Variants in CALN1 observed in about 807,000 individuals in gnomAD.
The protein encoded by CALN1 is calneuron 1, also known as calcium-binding protein 8.
In CALN1, 17 loss-of-function variants were observed where a neutral mutation model predicts 30.6. The observed-to-expected ratio is 0.56, with a 90% confidence interval of 0.38 to 0.83. The LOEUF is 0.83. Among genes scored for constraint, CALN1 ranks in the 40% least tolerant of loss-of-function variants. CALN1 has a pLI of 0.00. For synonymous variants in CALN1, 156 were observed against 131.4 expected, an observed-to-expected ratio of 1.19 and a Z score of -1.28; for missense variants, 291 against 354.9, an observed-to-expected ratio of 0.82 and a Z score of 1.45.
intron 5 of CALN1, among the ~76,000 whole-genome samples, chr7:71,854,380 A>AGAAAGAAAGAAAGAAG (rs1790821735): frequency 6.6e-6 from 1 of 152,030 alleles, no homozygotes; most frequent in African/African-American, 2.4e-5. Context: ...AGACAGAGAA[A>AGAAAGAAAGAAAGAAG]GAAAGAAAGA....
chr7:72,086,522 C>G (rs112923657), intron 4 of CALN1, among the ~76,000 whole-genome samples: 1 of 152,124 alleles, frequency 6.6e-6, no homozygotes, highest in Non-Finnish European at 1.5e-5. Flanking sequence ...CAACCTCTGC[C>G]TCTGGAGTTC....
At chr7:72,481,195 G>A in the CALN1 span, among the ~76,000 whole-genome samples, 427 of 152,172 alleles carry the variant, frequency 2.8e-3, 2 homozygotes, top group African/African-American at 9.5e-3. Flanking sequence ...CAAGTGATCC[G>A]CCCGCGTCGG....
the CALN1 span, among the ~76,000 whole-genome samples, chr7:72,477,287 G>C: frequency 4.7e-4 from 72 of 152,230 alleles, 2 homozygotes; most frequent in South Asian, 0.015. Flanking sequence ...CTGATGAGTA[G>C]AATTGTATTA....
chr7:72,499,821 C>CTTT, the CALN1 span, among the ~76,000 whole-genome samples: 11 of 66,854 alleles, frequency 1.6e-4, no homozygotes, highest in Admixed American at 1.7e-4. Context: ...TTCCTTCCTT[C>CTTT]CTTCCTTCTT....
chr7:72,000,862 G>A (rs1584717871), intron 5 of CALN1, among the ~76,000 whole-genome samples: 1 of 152,218 alleles, frequency 6.6e-6, no homozygotes, highest in South Asian at 2.1e-4. Context: ...TAGGTAGTCA[G>A]GCAGACATCA....
At chr7:72,404,859 AAGTC>A (rs1562952417) in intron 1 of CALN1, among the ~76,000 whole-genome samples, 1 of 152,226 alleles carries the variant, frequency 6.6e-6, no homozygotes, top group African/African-American at 2.4e-5. Context: ...TACCCACTGA[AAGTC>A]AGCCTCAATC....
At chr7:72,223,694 G>A (rs964285828) in intron 3 of CALN1, among the ~76,000 whole-genome samples, 3 of 152,086 alleles carry the variant, frequency 2.0e-5, no homozygotes, top group South Asian at 2.1e-4. Context: ...AAAGCCACCC[G>A]CACTAGCATG....
In CALN1 at chr7:72,200,169, G is replaced by A. The variant is rs895654436; in HGVS notation, c.244+78517C>T. Reference sequence around the variant, plus strand: ...AGCCAAATTAATATGAAATTGGGGGGAGTGGAGGGGAGTGGCAATGACACA... The same window carrying A: ...AGCCAAATTAATATGAAATTGGGGGAAGTGGAGGGGAGTGGCAATGACACA... On this transcript the variant is annotated intron_variant, in intron 3 of 6. Transcript: ENST00000395275. Among the ~76,000 whole-genome samples, 4 of 152,110 alleles carry A rather than the reference G, an allele frequency of 2.6e-5. No homozygotes were observed. The South Asian group carries it at 8.3e-4, about 32-fold the overall frequency.
chr7:71,799,386 TCA>T (rs1462563508), intron 6 of CALN1, among the ~76,000 whole-genome samples: 1 of 152,164 alleles, frequency 6.6e-6, no homozygotes, highest in Non-Finnish European at 1.5e-5. Context: ...CAGCTCTGTT[TCA>T]GTGTTATTTA....
chr7:71,956,180 GCAT>G (rs1161786377), intron 5 of CALN1, among the ~76,000 whole-genome samples: 4 of 152,020 alleles, frequency 2.6e-5, no homozygotes, highest in Non-Finnish European at 5.9e-5. Context: ...TAGAGACGGA[GCAT>G]CATCATGTTG....
intron 2 of CALN1, among the ~76,000 whole-genome samples, chr7:72,310,918 A>C (rs1373533053): frequency 1.3e-5 from 2 of 151,280 alleles, no homozygotes; most frequent in Admixed American, 6.6e-5. Flanking sequence ...AAAAAAAAAA[A>C]AAAAAAAAAA....
intron 5 of CALN1, among the ~76,000 whole-genome samples, chr7:71,916,708 G>C (rs1006118252): frequency 1.3e-5 from 2 of 152,104 alleles, no homozygotes; most frequent in Non-Finnish European, 2.9e-5. Context: ...ATAGCTAATG[G>C]ATGCTGGGAT....
At chr7:72,293,071 CCTTT>C (rs147147664) in intron 2 of CALN1, among the ~76,000 whole-genome samples, 2,570 of 152,178 alleles carry the variant, frequency 0.017, 67 homozygotes, top group African/African-American at 0.057. Context: ...CCCCTTCCTT[CCTTT>C]CTTTCTAACT....
intron 5 of CALN1, among the ~76,000 whole-genome samples, chr7:71,905,931 C>G (rs761696078): frequency 6.6e-6 from 1 of 152,120 alleles, no homozygotes; most frequent in Admixed American, 6.5e-5. Context: ...AAGAAGCAAG[C>G]ACCTTCTTCA....
chr7:72,321,219 T>G (rs1800856204), intron 2 of CALN1, among the ~76,000 whole-genome samples: 1 of 152,192 alleles, frequency 6.6e-6, no homozygotes, highest in African/African-American at 2.4e-5. Flanking sequence ...ATTTATTGTC[T>G]TCATCTCAAG....
At chr7:72,053,269 T>C (rs1344111428) in intron 4 of CALN1, among the ~76,000 whole-genome samples, 1 of 151,878 alleles carries the variant, frequency 6.6e-6, no homozygotes. Flanking sequence ...TCCCAAAGAG[T>C]GGAATCAGAG....
chr7:72,467,586 G>C, the CALN1 span, among the ~76,000 whole-genome samples: 2 of 152,226 alleles, frequency 1.3e-5, no homozygotes, highest in Admixed American at 1.3e-4. Flanking sequence ...CTAGCCCTCT[G>C]GAATGCTCTG....
intron 1 of CALN1, among the ~76,000 whole-genome samples, chr7:72,422,035 C>T (rs936144888): frequency 6.6e-6 from 1 of 152,138 alleles, no homozygotes; most frequent in Non-Finnish European, 1.5e-5. Context: ...TGGATCGACC[C>T]GCACTTAGGC....
chr7:71,800,336 C>T (rs1192631782), intron 6 of CALN1, among the ~76,000 whole-genome samples: 1 of 152,200 alleles, frequency 6.6e-6, no homozygotes, highest in African/African-American at 2.4e-5. Flanking sequence ...ACCTCTTCCC[C>T]AGGGGGCTTC....
Sources: gnomAD v4.1 joint callset for allele counts (sites outside exome capture counted in the v4.1 genomes callset) on GRCh38, gnomAD v4.1.1 for gene constraint, MANE v1.5 for transcripts, NCBI Gene and HGNC (gene_info 2026-07-23, HGNC 2026-07-21) for gene names.